The following LPP variants were observed in gnomAD, a reference collection of about 807,000 sequenced individuals.
The protein encoded by LPP is lipoma-preferred partner.
In LPP, 38 loss-of-function variants were observed where a neutral mutation model predicts 60.4. That is an observed-to-expected ratio of 0.63 (90% CI 0.49 to 0.83). LPP has a LOEUF of 0.83. LPP is among the 40% of genes least tolerant of loss of function. The probability of loss-of-function intolerance (pLI) is 0.00; values close to 1 mark genes in which losing one functional copy is unlikely to be tolerated. For missense variants in LPP, 902 were observed against 783.6 expected, an observed-to-expected ratio of 1.15 and a Z score of -1.80; for synonymous variants, 328 against 290.8, an observed-to-expected ratio of 1.13 and a Z score of -1.30.
At chr3:188,591,027 A>G (rs999035535) in intron 6 of LPP, among the ~76,000 whole-genome samples, 4 of 152,278 alleles carry the variant, frequency 2.6e-5, no homozygotes, top group Admixed American at 2.0e-4. Context: ...CTGTCCTTTT[A>G]TATTTCCTCC....
chr3:188,589,274 G>C (rs771314464), intron 6 of LPP, among the ~76,000 whole-genome samples: 11 of 152,058 alleles, frequency 7.2e-5, no homozygotes, highest in Non-Finnish European at 5.9e-5. Context: ...AATAAGAAAT[G>C]CATTTAGTCC....
intron 9 of LPP, among the ~76,000 whole-genome samples, chr3:188,806,994 C>T (rs938402816): frequency 6.6e-6 from 1 of 151,522 alleles, no homozygotes; most frequent in South Asian, 2.1e-4. Flanking sequence ...TGTATAAATC[C>T]ACCTTTGTGT....
chr3:188,806,456 G>A (rs763190956), intron 9 of LPP, among the ~76,000 whole-genome samples: 2 of 151,742 alleles, frequency 1.3e-5, no homozygotes, highest in Non-Finnish European at 1.5e-5. Flanking sequence ...TATAATTGAA[G>A]TAGCTTGCTT....
intron 2 of LPP, among the ~76,000 whole-genome samples, chr3:188,311,859 G>A (rs1206244527): frequency 1.3e-5 from 2 of 151,898 alleles, no homozygotes; most frequent in Non-Finnish European, 2.9e-5. Context: ...GGCTGGTCTC[G>A]AACTCCTGAG....
At chr3:188,241,880 A>G (rs1725012782) in intron 2 of LPP, among the ~76,000 whole-genome samples, 1 of 152,208 alleles carries the variant, frequency 6.6e-6, no homozygotes, top group South Asian at 2.1e-4. Flanking sequence ...AAACATGTCA[A>G]ATGAATTTCT....
At chr3:188,827,440 A>T (rs774731546) in intron 9 of LPP, among the ~76,000 whole-genome samples, 5 of 152,240 alleles carry the variant, frequency 3.3e-5, no homozygotes, top group Non-Finnish European at 7.3e-5. Flanking sequence ...GGGAAACATG[A>T]CTATTTCCAT....
intron 4 of LPP, among the ~76,000 whole-genome samples, chr3:188,473,656 T>C (rs892425364): frequency 1.3e-5 from 2 of 152,324 alleles, no homozygotes; most frequent in African/African-American, 4.8e-5. Context: ...AGCTAAGTAT[T>C]TTCAAATTCT....
chr3:188,249,005 A>G (rs1044244187), intron 2 of LPP, among the ~76,000 whole-genome samples: 1 of 152,200 alleles, frequency 6.6e-6, no homozygotes, highest in African/African-American at 2.4e-5. Context: ...CTCTAGTTAT[A>G]CATCCACTGT....
At chr3:188,617,733 C>G (rs1845126400) in intron 7 of LPP, among the ~76,000 whole-genome samples, 1 of 152,160 alleles carries the variant, frequency 6.6e-6, no homozygotes, top group African/African-American at 2.4e-5. Flanking sequence ...TACCCCAGGT[C>G]TCAAATCCCT....
At chr3:188,430,432 A>T (rs185498323) in intron 4 of LPP, among the ~76,000 whole-genome samples, 179 of 152,286 alleles carry the variant, frequency 1.2e-3, no homozygotes, top group Non-Finnish European at 2.0e-3. Flanking sequence ...TTGTTATTTG[A>T]GCATTACAGT....
intron 9 of LPP, among the ~76,000 whole-genome samples, chr3:188,824,264 C>T (rs1457827664): frequency 2.6e-5 from 4 of 152,056 alleles, no homozygotes; most frequent in Non-Finnish European, 5.9e-5. Context: ...ATGTAGAATG[C>T]GGTAGCAATA....
intron 7 of LPP, among the ~76,000 whole-genome samples, chr3:188,633,678 CCAAATGGAGGTAATACAGTCA>C (rs1848227347): frequency 6.6e-6 from 1 of 152,054 alleles, no homozygotes; most frequent in Non-Finnish European, 1.5e-5. Context: ...GTCACTCTTG[CCAAATGGAGGTAATACAGTCA>C]CAATATTTAC....
intron 3 of LPP, among the ~76,000 whole-genome samples, chr3:188,395,107 C>G (rs1780601586): frequency 6.6e-6 from 1 of 151,956 alleles, no homozygotes; most frequent in Admixed American, 6.6e-5. Flanking sequence ...ATCTCATGGT[C>G]CTTGAAGGTT....
At chr3:188,515,919 T>G (rs557252697) in intron 5 of LPP, among the ~76,000 whole-genome samples, 1 of 126,072 alleles carries the variant, frequency 7.9e-6, no homozygotes, top group African/African-American at 2.5e-5. Flanking sequence ...GCAAGTGATA[T>G]TTTTCAGTAG....
intron 6 of LPP, among the ~76,000 whole-genome samples, chr3:188,534,410 T>C (rs1823018514): frequency 6.6e-6 from 1 of 152,222 alleles, no homozygotes. Flanking sequence ...AAATAATTAG[T>C]CCTATGTCTA....
At chr3:188,665,696 C>T (rs1466578072) in intron 7 of LPP, among the ~76,000 whole-genome samples, 3 of 152,028 alleles carry the variant, frequency 2.0e-5, no homozygotes, top group South Asian at 2.1e-4. Context: ...CTCCTGACCT[C>T]GTGATCTGCC....
At chr3:188,286,189 GA>G (rs1476883841) in intron 2 of LPP, among the ~76,000 whole-genome samples, 4 of 152,162 alleles carry the variant, frequency 2.6e-5, no homozygotes, top group African/African-American at 9.7e-5. Flanking sequence ...GACTTTCCCA[GA>G]GGAAGTCATA....
At chr3:188,854,525 C>T (rs1763381768) in intron 9 of LPP, among the ~76,000 whole-genome samples, 1 of 152,170 alleles carries the variant, frequency 6.6e-6, no homozygotes, top group African/African-American at 2.4e-5. Flanking sequence ...CTTTTGTCTT[C>T]CATTGGCAGA....
At chr3:188,521,130 G>T (rs6809807) in intron 5 of LPP, among the ~76,000 whole-genome samples, 2,052 of 152,200 alleles carry the variant, frequency 0.013, 52 homozygotes, top group African/African-American at 0.047. Context: ...AATTCATAAT[G>T]GAATTGAAAT....
Sources: gnomAD v4.1 joint callset for allele counts (sites outside exome capture counted in the v4.1 genomes callset) on GRCh38, gnomAD v4.1.1 for gene constraint, MANE v1.5 for transcripts, NCBI Gene and HGNC (gene_info 2026-07-23, HGNC 2026-07-21) for gene names.